CWH43: variants seen among roughly 807,000 people sequenced by gnomAD.
CWH43 encodes the protein cell wall biogenesis 43 C-terminal homolog.
Under a neutral mutation model 85.7 loss-of-function variants are expected in CWH43, and 91 were observed. The ratio of observed to expected loss-of-function variants is 1.06; its 90% CI spans 0.90 to 1.26. The LOEUF (loss-of-function observed/expected upper bound fraction) is 1.26. Among genes scored for constraint, CWH43 ranks in the 50% most tolerant of loss-of-function variants. The pLI is 0.00. For missense variants in CWH43, 869 were observed against 839.2 expected (o/e 1.04, Z -0.44); for synonymous variants, 323 against 293.6 (o/e 1.10, Z -1.02).
Position 49,061,818 on chromosome 4 carries a change from A to T in CWH43, c.2028A>T (p.Gly676=), listed in dbSNP as rs761707639. The part of the protein sequence containing the change: ...SEKIHFNPRF[G]SYKEGHNYEN... ...TTATTTTTTATTTTTTTAGATTTGG[A>T]TCCTACAAAGAAGGACACAATTATG... Residue 676 remains glycine, a synonymous_variant, in exon 16 of 16, where the codon GGA becomes GGT. Transcript: ENST00000226432. 36 of 1,389,616 alleles carry T rather than the reference A, an allele frequency of 2.6e-5. No homozygotes were observed. Among genetic ancestry groups the T allele is most frequent in the Non-Finnish European group, 3.3e-5 (34 of 1,046,044 alleles). The allele number at this position is 1,389,616 out of a possible 1,614,324, so 86.1% of individuals were successfully genotyped here. A position where few individuals can be genotyped will look rare whatever the true frequency, so the allele number is the denominator to read the frequency against.
rs557446867 is a variant in CWH43, at chr4:48,992,376, A to G, written c.511+286A>G. ...AACCAGGCCTCATATCCCAGCTGGC[A>G]TTCAGCTCTGTCTTCCTCCTTCTTT... On this transcript the variant is annotated intron_variant, in intron 4 of 15. Coordinates refer to ENST00000226432, the MANE Select transcript of CWH43 (RefSeq NM_025087.3). The surrounding 1 kb of genome is among the most constrained non-coding windows in gnomAD (Gnocchi z 4.3). Among the ~76,000 whole-genome samples, 3 of 152,312 alleles carry G rather than the reference A, an allele frequency of 2.0e-5. No homozygotes were observed. The East Asian group carries it at 5.8e-4, about 29-fold the overall frequency.
intron 15 of CWH43, among the ~76,000 whole-genome samples, chr4:49,054,514 T>A (rs1784893815): frequency 6.6e-6 from 1 of 152,168 alleles, no homozygotes; most frequent in Non-Finnish European, 1.5e-5. Context: ...TTATACAAAT[T>A]TTAGGGTTGA....
chr4:48,992,034 C>G lies in CWH43; in HGVS notation c.455C>G (p.Ser152Cys), dbSNP rs1782675541. Reference protein sequence around the residue: ...SLNPIWSYQMSNKVILTLSAI... With the variant: ...SLNPIWSYQMCNKVILTLSAI... The stretch of plus-strand genomic sequence containing the variant: ...AACCCAATCTGGAGTTATCAGATGT[C>G]CAACAAAGTGATACTGACATTAAGT... The change falls in exon 4 of 16, where the codon TCC (serine) becomes TGC (cysteine). Residue 152 changes from serine to cysteine, a missense_variant. Coordinates refer to ENST00000226432, the MANE Select transcript of CWH43 (RefSeq NM_025087.3). This position sits in a 1 kb window ranked among gnomAD's most constrained non-coding sequence, Gnocchi z 4.3. 1 of 1,613,818 alleles carries G rather than the reference C, an allele frequency of 6.2e-7. No individual in the cohort carries two copies.
Position 48,992,778 on chromosome 4 carries a change from A to T in CWH43, c.511+688A>T, listed in dbSNP as rs1167814595. On this transcript the variant is annotated intron_variant, in intron 4 of 15. Transcript: ENST00000226432. The surrounding 1 kb of genome is among the most constrained non-coding windows in gnomAD (Gnocchi z 4.3). ...CTCAGTGAGTCACTGTTCTTCTGTA[A>T]CTACAAGGTGAAATCTCACAGACTA... is the stretch of plus-strand genomic sequence containing the variant. 6.6e-6 allele frequency among the ~76,000 whole-genome samples: 1 copy of T among 152,188 alleles called. No individual in the cohort carries two copies. Among genetic ancestry groups the T allele is most frequent in the African/African-American group, 2.4e-5 (1 of 41,446 alleles).
intron 15 of CWH43, among the ~76,000 whole-genome samples, chr4:49,060,087 G>T (rs1330730136): frequency 1.3e-5 from 2 of 152,192 alleles, no homozygotes; most frequent in African/African-American, 4.8e-5. Context: ...AGCTCGGGTG[G>T]GTTAAAGCCT....
At chr4:49,052,351 A>G (rs1784826786) in intron 15 of CWH43, among the ~76,000 whole-genome samples, 1 of 152,162 alleles carries the variant, frequency 6.6e-6, no homozygotes, top group Non-Finnish European at 1.5e-5. Context: ...TGCCTCATCT[A>G]AAAATGGGAA....
intron 14 of CWH43, among the ~76,000 whole-genome samples, chr4:49,045,363 G>A (rs1426799194): frequency 5.9e-5 from 9 of 152,078 alleles, no homozygotes; most frequent in East Asian, 1.9e-4. Context: ...ACATACATGC[G>A]TATGTGTGTG....
Position 49,046,069 on chromosome 4 carries a change from G to GTTTA in CWH43, c.1865+1237_1865+1240dup, listed in dbSNP as rs879835457. Among the ~76,000 whole-genome samples the GTTTA allele has an allele frequency of 9.7e-3, 1,477 of 151,738 alleles. 19 individuals carry two copies. Among genetic ancestry groups the GTTTA allele is most frequent in the African/African-American group, 0.029 (1,200 of 41,344 alleles). The stretch of plus-strand genomic sequence containing the variant: ...TCTACTCTCAACTTCTTTTTTATTT[G>GTTTA]TTTATTTATTTATTTATTATTATTA... On this transcript the variant is annotated intron_variant, in intron 14 of 15. Transcript: ENST00000226432.
At chr4:48,988,122 C>T (rs1419252391) in intron 1 of CWH43, among the ~76,000 whole-genome samples, 3 of 152,228 alleles carry the variant, frequency 2.0e-5, no homozygotes, top group Non-Finnish European at 2.9e-5. Context: ...GGGCCTGATG[C>T]GAGGAGTGGG....
chr4:49,034,726 TTAAC>T (rs563089604), intron 12 of CWH43, among the ~76,000 whole-genome samples: 77 of 152,320 alleles, frequency 5.1e-4, no homozygotes, highest in Admixed American at 4.6e-3. Flanking sequence ...ATCTAATTCA[TTAAC>T]TAGCTGTGTA....
chr4:49,029,394 C>T (rs949614477), intron 10 of CWH43, among the ~76,000 whole-genome samples: 6 of 152,152 alleles, frequency 3.9e-5, no homozygotes, highest in South Asian at 2.1e-4. Context: ...CAATGCACTG[C>T]GGAAAGCCAC....
chr4:49,057,159 A>ATTTTGTCAC (rs1784991360), intron 15 of CWH43, among the ~76,000 whole-genome samples: 1 of 152,202 alleles, frequency 6.6e-6, no homozygotes, highest in Non-Finnish European at 1.5e-5. Flanking sequence ...TGCCAAAGTT[A>ATTTTGTCAC]AGGATGCACA....
rs574344731 is a variant in CWH43, at chr4:49,053,434, G to A, written c.2021+2585G>A. Among the ~76,000 whole-genome samples the A allele has an allele frequency of 2.8e-4, 43 of 152,166 alleles. 1 individual carries two copies. In the South Asian group the frequency reaches 5.6e-3, roughly 20 times the overall value. On this transcript the variant is annotated intron_variant, in intron 15 of 15. Transcript: ENST00000226432. ...ACAGTGAACAAGGGTTCCTTTTGCT[G>A]TACATCTCCTGCCAGCATTTGCTGT...
In CWH43 at chr4:49,038,164, A is replaced by G; in HGVS notation, c.1787A>G (p.Glu596Gly). The change falls in exon 13 of 16, where the codon GAA becomes GGA. Residue 596 changes from glutamate to glycine, a missense_variant. By Grantham distance (98) the Glu-to-Gly change is moderately conservative. Transcript: ENST00000226432. ...PGSRDYLQLT[E>G]HGNVKDIDST... ...TCCAGAGATTATCTACAGCTCACTG[A>G]ACATGGCAATGTGAAGGTAACATAA... The G allele has an allele frequency of 6.3e-7, 1 of 1,584,230 alleles. No homozygotes were observed. The highest frequency in any genetic ancestry group is 2.3e-5 in the East Asian group (1 of 44,382).
intron 9 of CWH43, 97 bp downstream of exon 9, chr4:49,017,425 A>G (rs1577676830): frequency 2.5e-6 from 2 of 814,108 alleles, no homozygotes; most frequent in Non-Finnish European, 3.9e-6. Flanking sequence ...GGATCTGATG[A>G]CTTCAGAGCC....
At chr4:49,053,455 G>T (rs569103433) in intron 15 of CWH43, among the ~76,000 whole-genome samples, 7 of 152,244 alleles carry the variant, frequency 4.6e-5, no homozygotes, top group African/African-American at 1.7e-4. Context: ...GCCAGCATTT[G>T]CTGTCTTTTG....
chr4:49,044,715 C>T, intron 13 of CWH43, 71 bp from the exon 14 acceptor site: 1 of 1,156,794 alleles, frequency 8.6e-7, no homozygotes, highest in Non-Finnish European at 1.3e-6. Context: ...GTAGCTCACA[C>T]ATTTTTTGGC....
chr4:48,991,396 C>T lies in CWH43; in HGVS notation c.236-58C>T, dbSNP rs1294902452. 15 of 1,597,078 alleles carry T rather than the reference C, an allele frequency of 9.4e-6. No homozygotes were observed. The Admixed American group carries it at 2.6e-4, about 27-fold the overall frequency. On this transcript the variant is annotated intron_variant, in intron 2 of 15. Coordinates refer to ENST00000226432, the MANE Select transcript of CWH43 (RefSeq NM_025087.3). ...CAGATAACATGCATCAAATGCAGAT[C>T]ACGGAGTTCCAATCCATACTTGCCA...
chr4:48,987,833 C>T (rs530458133), intron 1 of CWH43, among the ~76,000 whole-genome samples: 1 of 152,324 alleles, frequency 6.6e-6, no homozygotes, highest in African/African-American at 2.4e-5. Flanking sequence ...GGAACGACTG[C>T]TGCCTCACTC....
Sources: allele counts gnomAD v4.1 joint callset (sites outside exome capture counted in the v4.1 genomes callset), GRCh38; gene constraint gnomAD v4.1.1; non-coding constraint Gnocchi (gnomAD v3.1); transcripts MANE v1.5; gene names NCBI Gene and HGNC (gene_info 2026-07-23, HGNC 2026-07-21).